CDH18: variants seen among roughly 807,000 people sequenced by gnomAD.
CDH18 encodes the protein cadherin 18.
In CDH18, 31 loss-of-function variants were observed where a neutral mutation model predicts 67.9. The observed-to-expected ratio is 0.46, with a 90% confidence interval of 0.34 to 0.62. CDH18 has a LOEUF of 0.62. CDH18 is among the 20% of genes least tolerant of loss of function. The pLI is 0.01. For synonymous variants in CDH18, 362 were observed against 347.2 expected (o/e 1.04, Z -0.48); for missense variants, 890 against 975.5 (o/e 0.91, Z 1.17).
At chr5:19,772,141 G>A (rs1342179575) in intron 3 of CDH18, among the ~76,000 whole-genome samples, 1 of 151,802 alleles carries the variant, frequency 6.6e-6, no homozygotes, top group African/African-American at 2.4e-5. Flanking sequence ...CAAACTTCAG[G>A]GCCTGATTGT....
intron 5 of CDH18, among the ~76,000 whole-genome samples, chr5:19,654,003 G>A (rs1325340723): frequency 6.6e-6 from 1 of 152,116 alleles, no homozygotes; most frequent in Non-Finnish European, 1.5e-5. Context: ...TCCCTAACTA[G>A]AGCTGAGTCA....
At chr5:19,554,542 C>T (rs1399331115) in intron 8 of CDH18, among the ~76,000 whole-genome samples, 1 of 150,478 alleles carries the variant, frequency 6.6e-6, no homozygotes, top group Non-Finnish European at 1.5e-5. Flanking sequence ...AAGAGCATAA[C>T]TTCATCTCAA....
At chr5:20,026,392 C>T (rs1738903086) in intron 2 of CDH18, among the ~76,000 whole-genome samples, 1 of 152,092 alleles carries the variant, frequency 6.6e-6, no homozygotes, top group Non-Finnish European at 1.5e-5. Flanking sequence ...GTGAGGTTTG[C>T]AATTAATACA....
intron 2 of CDH18, among the ~76,000 whole-genome samples, chr5:20,252,689 A>G (rs2202795): frequency 0.3 from 45,371 of 151,608 alleles, 7,448 homozygotes; most frequent in Non-Finnish European, 0.37. Context: ...TGTAATCCCA[A>G]CACTTTAAGA....
At chr5:20,138,216 C>G (rs796207826) in intron 2 of CDH18, among the ~76,000 whole-genome samples, 1 of 152,010 alleles carries the variant, frequency 6.6e-6, no homozygotes, top group Non-Finnish European at 1.5e-5. Flanking sequence ...AAAAAAACCA[C>G]GTGATTGTCT....
At chr5:19,622,579 GCT>G (rs1159075257) in intron 5 of CDH18, among the ~76,000 whole-genome samples, 2 of 152,156 alleles carry the variant, frequency 1.3e-5, no homozygotes, top group South Asian at 4.1e-4. Context: ...AGCAGTTTTT[GCT>G]CTGTTCTTGA....
In CDH18 at chr5:20,093,216, T is replaced by TAC. The variant is rs571242213; in HGVS notation, c.-517-101204_-517-101203dup. ...CAAGACACCATCTCACTCACACACA[T>TAC]ACACACACACATAAACACATACACA... is the stretch of plus-strand genomic sequence containing the variant. On this transcript the variant is annotated intron_variant, in intron 2 of 14. Transcript: ENST00000507958. 2.0e-5 allele frequency among the ~76,000 whole-genome samples: 3 copies of TAC among 151,454 alleles called. No individual in the cohort carries two copies. In the East Asian group the frequency reaches 5.9e-4, roughly 30 times the overall value.
chr5:19,867,271 C>G (rs1220628610), intron 2 of CDH18, among the ~76,000 whole-genome samples: 3 of 151,974 alleles, frequency 2.0e-5, no homozygotes, highest in Non-Finnish European at 4.4e-5. Context: ...TATGTGGGAC[C>G]CTTTAGGAGG....
In CDH18 at chr5:20,089,223, AT is replaced by A. The variant is rs543921176; in HGVS notation, c.-517-97210del. 3.0e-3 allele frequency among the ~76,000 whole-genome samples: 463 copies of A among 152,178 alleles called. 4 individuals are homozygous for A. The highest frequency in any genetic ancestry group is 0.011 in the African/African-American group (448 of 41,548). Reference sequence around the variant, plus strand: ...TCAGGTAAAACAAACTCAACAATAGATTTTTTTGTTTCATTGTTTCTTTATT... The same window carrying A: ...TCAGGTAAAACAAACTCAACAATAGATTTTTTGTTTCATTGTTTCTTTATT... On this transcript the variant is annotated intron_variant, in intron 2 of 14. Coordinates refer to the CDH18 transcript ENST00000507958.
intron 2 of CDH18, among the ~76,000 whole-genome samples, chr5:20,241,390 C>T (rs933396525): frequency 1.6e-4 from 25 of 152,034 alleles, no homozygotes; most frequent in Non-Finnish European, 4.4e-5. Flanking sequence ...GGTGGAGTGC[C>T]TGACCATGGT....
At chr5:20,572,319 T>G (rs568120224) in intron 1 of CDH18, among the ~76,000 whole-genome samples, 1 of 152,140 alleles carries the variant, frequency 6.6e-6, no homozygotes, top group Non-Finnish European at 1.5e-5. Context: ...GTTTCGGTGC[T>G]GTCCCTAGAG....
At chr5:20,523,378 A>T (rs1755863961) in intron 1 of CDH18, among the ~76,000 whole-genome samples, 1 of 151,576 alleles carries the variant, frequency 6.6e-6, no homozygotes, top group Non-Finnish European at 1.5e-5. Context: ...TTACATGCTG[A>T]CTCTCTGCAC....
At chr5:20,101,909 T>G (rs546161761) in intron 2 of CDH18, among the ~76,000 whole-genome samples, 176 of 152,152 alleles carry the variant, frequency 1.2e-3, no homozygotes, top group Admixed American at 2.0e-3. Flanking sequence ...CCGTCTCTAC[T>G]AAAAATACAA....
At chr5:20,053,238 A>T (rs1741593191) in intron 2 of CDH18, among the ~76,000 whole-genome samples, 1 of 151,332 alleles carries the variant, frequency 6.6e-6, no homozygotes, top group African/African-American at 2.4e-5. Flanking sequence ...ATGATACATA[A>T]ATATATATCA....
chr5:20,050,915 G>C (rs74341768), intron 2 of CDH18, among the ~76,000 whole-genome samples: 1 of 151,546 alleles, frequency 6.6e-6, no homozygotes, highest in Non-Finnish European at 1.5e-5. Context: ...GCTATTATTT[G>C]TCTTTTGCTC....
Position 20,204,871 on chromosome 5 carries a change from T to C in CDH18, c.-518+50573A>G, listed in dbSNP as rs530401405. ...CTCTAAAATAACTTGTTTAAGTTGT[T>C]TTTATAAGTTCATTGTACCAACAAT... On this transcript the variant is annotated intron_variant, in intron 2 of 14. Coordinates refer to the CDH18 transcript ENST00000507958. 1.1e-4 allele frequency among the ~76,000 whole-genome samples: 17 copies of C among 152,082 alleles called. No homozygotes were observed. In the South Asian group the frequency reaches 3.5e-3, roughly 31 times the overall value.
At chr5:19,515,085 A>T (rs1396307803) in intron 10 of CDH18, among the ~76,000 whole-genome samples, 1 of 152,148 alleles carries the variant, frequency 6.6e-6, no homozygotes, top group Non-Finnish European at 1.5e-5. Flanking sequence ...TTTTCCCAGC[A>T]CCATTTATTA....
chr5:19,573,915 T>C (rs1741875469), intron 7 of CDH18, among the ~76,000 whole-genome samples: 1 of 152,224 alleles, frequency 6.6e-6, no homozygotes. Context: ...TGATGATGTC[T>C]AAGGTTCTTC....
At chr5:20,002,758 A>G (rs1336554318) in intron 2 of CDH18, among the ~76,000 whole-genome samples, 2 of 152,194 alleles carry the variant, frequency 1.3e-5, no homozygotes, top group Admixed American at 1.3e-4. Context: ...TACTTCTCTG[A>G]AAAGCAAAAG....
Sources: gnomAD v4.1 joint callset for allele counts (sites outside exome capture counted in the v4.1 genomes callset) on GRCh38, gnomAD v4.1.1 for gene constraint, MANE v1.5 for transcripts, NCBI Gene and HGNC (gene_info 2026-07-23, HGNC 2026-07-21) for gene names.